IFTAP: variants seen among roughly 807,000 people sequenced by gnomAD.
IFTAP encodes intraflagellar transport associated protein.
A neutral mutation model predicts 19.4 loss-of-function variants in IFTAP; 19 were observed. The ratio of observed to expected loss-of-function variants is 0.98; its 90% CI spans 0.68 to 1.44. The LOEUF is 1.44. Ranked by LOEUF, IFTAP falls within the 40% of genes most tolerant of loss-of-function variation. The pLI is 0.00. For synonymous variants in IFTAP, 85 were observed against 83.5 expected, an observed-to-expected ratio of 1.02 and a Z score of -0.10; for missense variants, 240 against 253.6, an observed-to-expected ratio of 0.95 and a Z score of 0.36.
chr11:36,622,329 G>A (rs1169890205), intron 2 of IFTAP, among the ~76,000 whole-genome samples: 2 of 152,070 alleles, frequency 1.3e-5, no homozygotes, highest in Non-Finnish European at 2.9e-5. Flanking sequence ...ACTTTCTCCA[G>A]TGTAGGTGAG....
chr11:36,654,247 G>A (rs777413452), intron 5 of IFTAP, among the ~76,000 whole-genome samples: 12 of 152,038 alleles, frequency 7.9e-5, no homozygotes, highest in Non-Finnish European at 1.6e-4. Context: ...TCTCTCTACC[G>A]TGTTTGACAC....
intron 5 of IFTAP, among the ~76,000 whole-genome samples, chr11:36,650,303 AATTGCCT>A (rs1469354736): frequency 3.3e-5 from 5 of 152,036 alleles, no homozygotes; most frequent in Non-Finnish European, 7.4e-5. Flanking sequence ...ACTTTCTCTT[AATTGCCT>A]ATTAAGATTC....
chr11:36,650,518 T>C (rs1396226651), intron 5 of IFTAP, among the ~76,000 whole-genome samples: 2 of 150,222 alleles, frequency 1.3e-5, no homozygotes, highest in African/African-American at 4.9e-5. Context: ...TTGGTTCAGA[T>C]TTTTTCCCTA....
chr11:36,620,824 A>G (rs1272476505), intron 2 of IFTAP, among the ~76,000 whole-genome samples: 2 of 151,880 alleles, frequency 1.3e-5, no homozygotes, highest in Non-Finnish European at 2.9e-5. Flanking sequence ...TTTCATACAC[A>G]TAAAAGAATC....
In IFTAP at chr11:36,648,147, A is replaced by G; in HGVS notation, c.490A>G (p.Thr164Ala). The change falls in exon 5 of 6, where the codon ACG becomes GCG. Residue 164 changes from threonine to alanine, a missense_variant. Thr to Ala is a moderately conservative substitution (Grantham distance 58, BLOSUM62 0). Coordinates refer to ENST00000334307, the MANE Select transcript of IFTAP (RefSeq NM_138787.4). Reference protein sequence around the residue: ...KPSVKRMDKQTEEILGDEVQL... With the variant: ...KPSVKRMDKQAEEILGDEVQL... ...CAGTGTTAAAAGAATGGACAAACAG[A>G]CGGAAGAGGTACTCCACAGGGAATT... 6.2e-7 allele frequency: 1 copy of G among 1,612,854 alleles called. No individual in the cohort carries two copies. Among genetic ancestry groups the G allele is most frequent in the South Asian group, 1.1e-5 (1 of 90,898 alleles).
chr11:36,650,784 G>A (rs1289063535), intron 5 of IFTAP, among the ~76,000 whole-genome samples: 3 of 151,100 alleles, frequency 2.0e-5, no homozygotes, highest in Non-Finnish European at 4.4e-5. Context: ...CAATTCCCAC[G>A]TATGAGTGAG....
chr11:36,631,096 G>A (rs1027376385), intron 2 of IFTAP, among the ~76,000 whole-genome samples: 1 of 151,352 alleles, frequency 6.6e-6, no homozygotes, highest in African/African-American at 2.5e-5. Context: ...TATAGGGCTG[G>A]TTACTCCAAC....
In IFTAP at chr11:36,659,120, C is replaced by T; in HGVS notation, c.600C>T (p.Ile200=). ...SKFSPAEIEN[I]KELCKQQKRK... The stretch of plus-strand genomic sequence containing the variant: ...TTAGTCCTGCAGAGATAGAGAACAT[C>T]AAAGAGCTATGCAAGCAGCAGAAGA... The change falls in exon 6 of 6, where the codon ATC becomes ATT. Residue 200 remains isoleucine, a synonymous_variant. Transcript: ENST00000334307. The T allele has an allele frequency of 6.2e-7, 1 of 1,609,750 alleles. No individual in the cohort carries two copies. The highest frequency in any genetic ancestry group is 1.3e-5 in the African/African-American group (1 of 74,902).
Position 36,648,007 on chromosome 11 carries a change from A to G in IFTAP, c.359-9A>G. On this transcript the variant is annotated splice_polypyrimidine_tract_variant and intron_variant, in intron 4 of 5. Transcript: ENST00000334307. ...GAAAGGCTCAGTTGAAATGTTTTGT[A>G]TCCAACAGATTTGCTGCTGCTTCCA... The G allele has an allele frequency of 1.2e-6, 2 of 1,611,846 alleles. No individual in the cohort carries two copies. Among genetic ancestry groups the G allele is most frequent in the Non-Finnish European group, 8.5e-7 (1 of 1,178,790 alleles).
rs115211061 is a variant in IFTAP, at chr11:36,599,705, G to A, written c.-24+5113G>A. On this transcript the variant is annotated intron_variant, in intron 1 of 5. Coordinates refer to ENST00000334307, the MANE Select transcript of IFTAP (RefSeq NM_138787.4). The stretch of plus-strand genomic sequence containing the variant: ...GTTGATTCTCATCATTTGAAATGTC[G>A]ATCCATCCTTAAAAAAGCATCGTCA... Among the ~76,000 whole-genome samples, 860 of 151,984 alleles carry A rather than the reference G, an allele frequency of 5.7e-3. 9 individuals carry two copies. Among genetic ancestry groups the A allele is most frequent in the East Asian group, 0.025 (127 of 5,168 alleles).
intron 1 of IFTAP, among the ~76,000 whole-genome samples, chr11:36,605,289 CT>C (rs112140106): frequency 0.035 from 4,891 of 138,470 alleles, 223 homozygotes; most frequent in African/African-American, 0.12. Flanking sequence ...TGCCCCCCCA[CT>C]TTTTTTTTTT....
chr11:36,651,112 A>G (rs1853704817), intron 5 of IFTAP, among the ~76,000 whole-genome samples: 1 of 152,210 alleles, frequency 6.6e-6, no homozygotes, highest in Non-Finnish European at 1.5e-5. Context: ...CTAGTTCTAG[A>G]TTGCTGAGGA....
chr11:36,645,416 A>G lies in IFTAP; in HGVS notation c.359-2600A>G, dbSNP rs1338223520. Among the ~76,000 whole-genome samples, 3 of 152,300 alleles carry G rather than the reference A, an allele frequency of 2.0e-5. No homozygotes were observed. The East Asian group carries it at 5.8e-4, about 29-fold the overall frequency. On this transcript the variant is annotated intron_variant, in intron 4 of 5. Transcript: ENST00000334307. ...GTGGCCCTGATTCTATGATGCCAAG[A>G]TGGTTGCATTTCATTAAGATGAAAA...
intron 1 of IFTAP, among the ~76,000 whole-genome samples, chr11:36,599,377 C>T (rs1270113853): frequency 6.6e-6 from 1 of 152,134 alleles, no homozygotes; most frequent in Non-Finnish European, 1.5e-5. Context: ...GATCAGTTTC[C>T]ATATGGCTTA....
At chr11:36,652,088 GA>G (rs1198046901) in intron 5 of IFTAP, among the ~76,000 whole-genome samples, 3 of 152,180 alleles carry the variant, frequency 2.0e-5, no homozygotes, top group Admixed American at 2.0e-4. Flanking sequence ...ATTCTGTGAA[GA>G]AAGTCATTGG....
intron 4 of IFTAP, among the ~76,000 whole-genome samples, chr11:36,646,827 A>C (rs563914301): frequency 6.6e-6 from 1 of 152,206 alleles, no homozygotes; most frequent in South Asian, 2.1e-4. Context: ...TGAGTATGTA[A>C]GTGTTGGCTA....
intron 2 of IFTAP, among the ~76,000 whole-genome samples, chr11:36,627,258 G>C (rs1342380095): frequency 6.6e-6 from 1 of 151,154 alleles, no homozygotes; most frequent in African/African-American, 2.5e-5. Context: ...ATGGAATCGT[G>C]GTGATGGTGG....
At chr11:36,618,827 A>T (rs1486762529) in intron 2 of IFTAP, among the ~76,000 whole-genome samples, 1 of 152,058 alleles carries the variant, frequency 6.6e-6, no homozygotes, top group Non-Finnish European at 1.5e-5. Flanking sequence ...TAGAGCAAAG[A>T]AGAAGTAGAG....
rs1163198483 is a variant in IFTAP at position 36,648,053 on chromosome 11, A to C, written c.396A>C (p.Val132=). 23 of 1,613,230 alleles carry C rather than the reference A, an allele frequency of 1.4e-5. No individual in the cohort carries two copies. The highest frequency in any genetic ancestry group is 1.9e-5 in the Non-Finnish European group (22 of 1,179,538). The change falls in exon 5 of 6, where the codon GTA becomes GTC. Residue 132 remains valine, a synonymous_variant. Coordinates refer to ENST00000334307, the MANE Select transcript of IFTAP (RefSeq NM_138787.4). ...LLLPGEVEQD[V]STSIPSCIPF... ...TTCCAGGAGAAGTGGAGCAGGATGT[A>C]AGCACCAGCATTCCTTCCTGTATCC...
Sources: allele counts gnomAD v4.1 joint callset (sites outside exome capture counted in the v4.1 genomes callset), GRCh38; gene constraint gnomAD v4.1.1; transcripts MANE v1.5; gene names NCBI Gene and HGNC (gene_info 2026-07-23, HGNC 2026-07-21).